PASK: variants seen among roughly 807,000 people sequenced by gnomAD.
The protein encoded by PASK is PAS domain containing serine/threonine kinase, also known as PAS domain-containing serine/threonine-protein kinase.
Under a neutral mutation model 121.0 loss-of-function variants are expected in PASK, and 110 were observed. The ratio of observed to expected loss-of-function variants is 0.91; its 90% CI spans 0.78 to 1.06. The LOEUF (loss-of-function observed/expected upper bound fraction) is 1.06, where lower values mean the gene tolerates loss of function less well. PASK is among the 50% of genes least tolerant of loss of function. The probability of loss-of-function intolerance (pLI) is 0.00; values close to 1 mark genes in which losing one functional copy is unlikely to be tolerated. For missense variants in PASK, 1,643 were observed against 1,702.3 expected (o/e 0.97, Z 0.61); for synonymous variants, 686 against 717.8 (o/e 0.96, Z 0.71).
chr2:241,136,989 C>G lies in PASK; in HGVS notation c.1137+15G>C. ...CTCCCAGGGAACGGGAGCCAGGCGC[C>G]CAGGGCAGCCCCACCTTGCCCAGGA... On this transcript the variant is annotated intron_variant, in intron 7 of 17. Coordinates refer to ENST00000234040, the MANE Select transcript of PASK (RefSeq NM_015148.4). 6.2e-7 allele frequency: 1 copy of G among 1,611,640 alleles called. No individual in the cohort carries two copies. Among genetic ancestry groups the G allele is most frequent in the Non-Finnish European group, 8.5e-7 (1 of 1,179,590 alleles).
In PASK at chr2:241,138,683, C is replaced by T. The variant is rs772512917; in HGVS notation, c.712G>A (p.Val238Ile). The T allele has an allele frequency of 3.1e-6, 5 of 1,614,114 alleles. No homozygotes were observed. In the South Asian group the frequency reaches 5.5e-5, roughly 18 times the overall value. The change falls in exon 5 of 18, where the codon GTC becomes ATC. Residue 238 changes from valine (V) to isoleucine (I), a missense_variant. Val to Ile is a conservative substitution (Grantham distance 29). Around this residue, in one of 3 missense-constraint regions of PASK, gnomAD observed 1,176 missense variants for 1,162.2 expected, o/e 1.01. Transcript: ENST00000234040. Reference protein sequence around the residue: ...CVVVLEPVERVSTWVAFQSDG... With the variant: ...CVVVLEPVERISTWVAFQSDG... Reference sequence around the variant, plus strand: ...CTCTGGAAAGCGACCCAGGTCGAGACCCTCTCCACGGGCTCCAGGACCACC... The same window carrying T: ...CTCTGGAAAGCGACCCAGGTCGAGATCCTCTCCACGGGCTCCAGGACCACC...
intron 15 of PASK, among the ~76,000 whole-genome samples, chr2:241,111,110 A>G (rs3815295): frequency 0.24 from 35,800 of 152,116 alleles, 6,588 homozygotes; most frequent in African/African-American, 0.5. Flanking sequence ...CAGGATCCAG[A>G]GCCCAGCCAC....
chr2:241,149,389 G>C (rs1416231915), intron 1 of PASK, 25 bp downstream of exon 1: 10 of 415,552 alleles, frequency 2.4e-5, no homozygotes, highest in African/African-American at 1.5e-4. Context: ...AGCCCGGCCC[G>C]CTCTCCCGAG....
chr2:241,116,997 G>A (rs1321583155), intron 12 of PASK, among the ~76,000 whole-genome samples: 4 of 152,210 alleles, frequency 2.6e-5, no homozygotes, highest in African/African-American at 9.6e-5. Context: ...TGAGCGCCTC[G>A]GGGAAGGCCC....
At chr2:241,120,485 T>A in intron 12 of PASK, among the ~76,000 whole-genome samples, 1 of 133,576 alleles carries the variant, frequency 7.5e-6, no homozygotes, top group African/African-American at 2.5e-5. Context: ...AAAGCAAGAC[T>A]CTGTCTCAAA....
In PASK at chr2:241,107,503, G is replaced by C. The variant is rs745397232; in HGVS notation, c.3668-4C>G. ...CCAGACACAAGGCTCATGAGTTCTG[G>C]GGACACAAAGAACACAGATGGTAGG... On this transcript the variant is annotated splice_region_variant and splice_polypyrimidine_tract_variant and intron_variant, in intron 16 of 17. Transcript: ENST00000234040. The C allele has an allele frequency of 1.5e-5, 24 of 1,613,526 alleles. No homozygotes were observed. Among genetic ancestry groups the C allele is most frequent in the Non-Finnish European group, 2.0e-5 (24 of 1,179,668 alleles).
In PASK at chr2:241,138,722, G is replaced by C; in HGVS notation, c.673C>G (p.Arg225Gly). ...VWMKRMRQER[R>G]LCCVVVLEPV... ...TCCAGGACCACCACGCAGCATAGGC[G>C]GCGCTCCTGCCGCATCCTCTTCATC... is the stretch of plus-strand genomic sequence containing the variant. Residue 225 changes from arginine (R) to glycine (G), a missense_variant, in exon 5 of 18, where the codon CGC (arginine) becomes GGC (glycine). Arg to Gly is a moderately radical substitution (Grantham distance 125). Around this residue, in one of 3 missense-constraint regions of PASK, gnomAD observed 1,176 missense variants for 1,162.2 expected, o/e 1.01. Coordinates refer to ENST00000234040, the MANE Select transcript of PASK (RefSeq NM_015148.4). 1 of 1,614,068 alleles carries C rather than the reference G, an allele frequency of 6.2e-7. No individual in the cohort carries two copies. The highest frequency in any genetic ancestry group is 8.5e-7 in the Non-Finnish European group (1 of 1,179,990).
intron 1 of PASK, among the ~76,000 whole-genome samples, chr2:241,144,952 C>T (rs532576926): frequency 5.3e-5 from 8 of 152,240 alleles, no homozygotes; most frequent in Admixed American, 2.6e-4. Context: ...CTCGCTGTGT[C>T]GCCCAGGGTG....
intron 1 of PASK, among the ~76,000 whole-genome samples, chr2:241,147,732 A>T (rs2067022756): frequency 6.7e-6 from 1 of 149,134 alleles, no homozygotes; most frequent in African/African-American, 2.4e-5. Flanking sequence ...AAAAAAAGCA[A>T]AGGGAGGGTA....
At chr2:241,128,540 C>T (rs998621818) in intron 9 of PASK, among the ~76,000 whole-genome samples, 1 of 152,184 alleles carries the variant, frequency 6.6e-6, no homozygotes, top group African/African-American at 2.4e-5. Context: ...CACTCGGGGA[C>T]AGACACACAG....
chr2:241,112,511 G>GAA lies in PASK; in HGVS notation c.3334-74_3334-73dup. ...TAAAATATGCATTTAAAATAAACTG[G>GAA]AACAAAAAAAAACACAAAGAAAAAA... On this transcript the variant is annotated intron_variant, in intron 14 of 17. Transcript: ENST00000234040. The surrounding 1 kb of genome is among the most constrained non-coding windows in gnomAD (Gnocchi z 5.2). 1 of 912,824 alleles carries GAA rather than the reference G, an allele frequency of 1.1e-6. No homozygotes were observed. The allele number at this position is 912,824 out of a possible 1,614,324, so 56.5% of individuals were successfully genotyped here. A position where few individuals can be genotyped will look rare whatever the true frequency, so the allele number is the denominator to read the frequency against.
intron 3 of PASK, 61 bp downstream of exon 3, chr2:241,140,460 G>T: frequency 8.2e-7 from 1 of 1,220,410 alleles, no homozygotes; most frequent in Non-Finnish European, 1.2e-6. Flanking sequence ...CAAATCCCAG[G>T]TTTAAGGCAC....
At chr2:241,142,769 G>A (rs932207538) in intron 2 of PASK, 68 bp downstream of exon 2, 11 of 1,209,392 alleles carry the variant, frequency 9.1e-6, no homozygotes, top group Non-Finnish European at 1.3e-5. Flanking sequence ...GGGTTTCCAT[G>A]AGAACACAGA....
chr2:241,127,328 A>C lies in PASK; in HGVS notation c.1587T>G (p.Leu529=), dbSNP rs1385264643. ...PVAIESPGQD[L]LGESRSEPVD... is the part of the protein sequence containing the mutation. ...CTGGTTCAGACCTGCTTTCTCCCAGAAGATCCTGTCCGGGGCTCTCTATTG... is the reference window on the plus strand; with the variant it reads ...CTGGTTCAGACCTGCTTTCTCCCAGCAGATCCTGTCCGGGGCTCTCTATTG... Residue 529 remains leucine (L), a synonymous_variant, in exon 10 of 18, where the codon CTT becomes CTG. Transcript: ENST00000234040. The C allele has an allele frequency of 6.2e-7, 1 of 1,614,202 alleles. No homozygotes were observed. The highest frequency in any genetic ancestry group is 1.7e-5 in the Admixed American group (1 of 60,024).
At chr2:241,144,944 C>T (rs918640597) in intron 1 of PASK, among the ~76,000 whole-genome samples, 1 of 152,136 alleles carries the variant, frequency 6.6e-6, no homozygotes, top group East Asian at 1.9e-4. Flanking sequence ...GACAGAGTCT[C>T]GCTGTGTCGC....
At chr2:241,120,941 C>T (rs771048813) in intron 12 of PASK, among the ~76,000 whole-genome samples, 13 of 152,092 alleles carry the variant, frequency 8.5e-5, no homozygotes, top group African/African-American at 2.4e-4. Context: ...AGCTGATAAA[C>T]GGATAAACAA....
At chr2:241,131,149 CAT>C (rs2066109671) in intron 9 of PASK, among the ~76,000 whole-genome samples, 1 of 145,808 alleles carries the variant, frequency 6.9e-6, no homozygotes, top group East Asian at 2.4e-4. Flanking sequence ...GCATGTATTA[CAT>C]TTTTTTTTTT....
At chr2:241,107,189 C>A (rs1458151925) in intron 17 of PASK, among the ~76,000 whole-genome samples, 164 bp downstream of exon 17, 2 of 152,198 alleles carry the variant, frequency 1.3e-5, no homozygotes, top group Non-Finnish European at 2.9e-5. Context: ...AGAATCAAAC[C>A]CCCTCTCACA....
chr2:241,143,420 G>A lies in PASK; in HGVS notation c.-42-346C>T, dbSNP rs544708973. Among the ~76,000 whole-genome samples the A allele has an allele frequency of 5.3e-5, 8 of 152,150 alleles. No homozygotes were observed. In the East Asian group the frequency reaches 5.8e-4, roughly 11 times the overall value. ...CAAAAAATTAGCCGGGCATGGTGGC[G>A]GGTGCCTGTAGTCCCAGCTACTCGG... On this transcript the variant is annotated intron_variant, in intron 1 of 17. Coordinates refer to ENST00000234040, the MANE Select transcript of PASK (RefSeq NM_015148.4).
Sources: allele counts gnomAD v4.1 joint callset (sites outside exome capture counted in the v4.1 genomes callset), GRCh38; gene constraint gnomAD v4.1.1; regional missense constraint gnomAD v4.1.1; non-coding constraint Gnocchi (gnomAD v3.1); transcripts MANE v1.5; gene names NCBI Gene and HGNC (gene_info 2026-07-23, HGNC 2026-07-21).